The following SPESP1 variants were observed in gnomAD, a reference collection of about 807,000 sequenced individuals.
SPESP1 encodes sperm equatorial segment protein 1, also known as equatorial segment protein.
Under a neutral mutation model 3.1 loss-of-function variants are expected in SPESP1, and 1 was observed. The ratio of observed to expected loss-of-function variants is 0.33; its 90% CI spans 0.12 to 1.54. SPESP1 has a LOEUF of 1.54. Among genes scored for constraint, SPESP1 ranks in the 40% most tolerant of loss-of-function variants. The pLI, the probability that SPESP1 is intolerant of heterozygous loss-of-function variation, is 0.38. For missense variants in SPESP1, 398 were observed against 410.1 expected (o/e 0.97, Z 0.26); for synonymous variants, 138 against 150.7 (o/e 0.92, Z 0.62).
At chr15:68,936,825 T>A (rs1412381017) in intron 1 of SPESP1, among the ~76,000 whole-genome samples, 2 of 152,156 alleles carry the variant, frequency 1.3e-5, no homozygotes, top group Admixed American at 6.5e-5. Flanking sequence ...GATCTAAACT[T>A]ACATTAGGCT....
At chr15:68,938,521 C>A (rs939041168) in intron 1 of SPESP1, among the ~76,000 whole-genome samples, 1 of 151,674 alleles carries the variant, frequency 6.6e-6, no homozygotes, top group Non-Finnish European at 1.5e-5. Context: ...AAAATTTGGT[C>A]ATATTTAATT....
chr15:68,933,185 G>A (rs967921447), intron 1 of SPESP1, among the ~76,000 whole-genome samples: 13 of 152,146 alleles, frequency 8.5e-5, no homozygotes, highest in African/African-American at 2.4e-4. Flanking sequence ...CAAACATCAC[G>A]GGTGTATTAA....
At chr15:68,940,978 G>T (rs1895807492) in intron 1 of SPESP1, among the ~76,000 whole-genome samples, 1 of 151,860 alleles carries the variant, frequency 6.6e-6, no homozygotes, top group Non-Finnish European at 1.5e-5. Flanking sequence ...ATATGCAATT[G>T]GGTCTATTTC....
intron 1 of SPESP1, among the ~76,000 whole-genome samples, chr15:68,931,154 T>G (rs1467447140): frequency 6.6e-6 from 1 of 152,082 alleles, no homozygotes; most frequent in Non-Finnish European, 1.5e-5. Flanking sequence ...TTGTTACATA[T>G]GTATCCATGT....
At chr15:68,940,631 T>G (rs1368970697) in intron 1 of SPESP1, among the ~76,000 whole-genome samples, 1 of 152,170 alleles carries the variant, frequency 6.6e-6, no homozygotes, top group Non-Finnish European at 1.5e-5. Flanking sequence ...CATCCTTTAG[T>G]TTTTCACAGT....
rs1305778404 is a variant in SPESP1 at position 68,946,524 on chromosome 15, A to G, written c.990A>G (p.Val330=). The G allele has an allele frequency of 9.4e-6, 15 of 1,590,722 alleles. No individual in the cohort carries two copies. Among genetic ancestry groups the G allele is most frequent in the Non-Finnish European group, 1.0e-5 (12 of 1,173,660 alleles). ...AGATGAGAGAAAAAGCTGCTACAGT[A>G]TTCAATACATTAAAAAATATGTGTA... is the stretch of plus-strand genomic sequence containing the variant. ...PPEMREKAAT[V]FNTLKNMCRS... is the part of the protein sequence containing the mutation. Residue 330 remains valine (V), a synonymous_variant, in exon 2 of 2, where the codon GTA becomes GTG. Transcript: ENST00000310673.
chr15:68,935,238 CAT>C (rs1468756507), intron 1 of SPESP1, among the ~76,000 whole-genome samples: 1 of 152,126 alleles, frequency 6.6e-6, no homozygotes, highest in African/African-American at 2.4e-5. Flanking sequence ...AGAATTGTAA[CAT>C]AATTTAATAA....
At position 68,946,137 on chromosome 15, in the gene SPESP1, G is replaced by C. The variant is rs753824270; in HGVS notation, c.603G>C (p.Gln201His). The C allele has an allele frequency of 1.2e-6, 2 of 1,614,182 alleles. No individual in the cohort carries two copies. Among genetic ancestry groups the C allele is most frequent in the Non-Finnish European group, 1.7e-6 (2 of 1,180,028 alleles). The change falls in exon 2 of 2, where the codon CAG (glutamine) becomes CAC (histidine). Residue 201 changes from glutamine to histidine, a missense_variant. Coordinates refer to ENST00000310673, the MANE Select transcript of SPESP1 (RefSeq NM_145658.4). ...GISTESEDVP[Q>H]LSGETAIEKP... ...CTACAGAATCAGAAGATGTTCCTCA[G>C]CTCTCAGGTGAAACTGCGATAGAAA...
At position 68,946,411 on chromosome 15, in the gene SPESP1, A is replaced by G. The variant is rs768907049; in HGVS notation, c.877A>G (p.Ile293Val). 1 of 1,614,114 alleles carries G rather than the reference A, an allele frequency of 6.2e-7. No homozygotes were observed. The highest frequency in any genetic ancestry group is 2.2e-5 in the East Asian group (1 of 44,862). The change falls in exon 2 of 2, where the codon ATT becomes GTT. Residue 293 changes from isoleucine (I) to valine (V), a missense_variant. Physicochemically the swap from Ile to Val is conservative, Grantham distance 29. Transcript: ENST00000310673. The stretch of plus-strand genomic sequence containing the variant: ...GCCAGTAGGACGAACAAGTAATAAA[A>G]TTGATGACATCGAAACTGTTATTAA... ...LLPVGRTSNK[I>V]DDIETVINML...
chr15:68,930,743 C>G (rs748616375), intron 1 of SPESP1, 26 bp downstream of exon 1: 1 of 1,613,212 alleles, frequency 6.2e-7, no homozygotes, highest in Admixed American at 1.7e-5. Context: ...GAGGAGGCAG[C>G]GGACCGGGGA....
chr15:68,932,206 G>A (rs921914651), intron 1 of SPESP1, among the ~76,000 whole-genome samples: 1 of 152,078 alleles, frequency 6.6e-6, no homozygotes, highest in East Asian at 1.9e-4. Flanking sequence ...TTGCATTTTG[G>A]TAGTTGTAGA....
rs1895501514 is a variant in SPESP1, at chr15:68,930,560, A to G, written c.-94A>G. 7 of 1,536,506 alleles carry G rather than the reference A, an allele frequency of 4.6e-6. No homozygotes were observed. Among genetic ancestry groups the G allele is most frequent in the Admixed American group, 1.7e-5 (1 of 59,174 alleles). ...GTCCCAGGGCCTGAGGCAGGACGGT[A>G]CTCCGCTGACACCTTCCCTTTCGGC... On this transcript the variant is annotated 5_prime_UTR_variant, in exon 1 of 2. Coordinates refer to ENST00000310673, the MANE Select transcript of SPESP1 (RefSeq NM_145658.4).
intron 1 of SPESP1, among the ~76,000 whole-genome samples, chr15:68,940,386 C>T (rs551496007): frequency 1.8e-4 from 27 of 152,210 alleles, no homozygotes; most frequent in Middle Eastern, 3.4e-3. Flanking sequence ...AAGGACTTTA[C>T]AAAACACAAA....
intron 1 of SPESP1, among the ~76,000 whole-genome samples, chr15:68,942,139 T>G (rs1895839942): frequency 6.6e-6 from 1 of 152,034 alleles, no homozygotes; most frequent in Non-Finnish European, 1.5e-5. Context: ...TTTGTTTCAT[T>G]TTTTCTGTTA....
At chr15:68,932,557 A>G (rs1021758053) in intron 1 of SPESP1, among the ~76,000 whole-genome samples, 13 of 152,058 alleles carry the variant, frequency 8.5e-5, no homozygotes, top group African/African-American at 3.1e-4. Flanking sequence ...CCGCCTGGCT[A>G]ATTTTTGTAT....
At chr15:68,940,729 A>G (rs2140424701) in intron 1 of SPESP1, among the ~76,000 whole-genome samples, 1 of 147,652 alleles carries the variant, frequency 6.8e-6, no homozygotes, top group South Asian at 2.1e-4. Context: ...AGTTATATCT[A>G]GGGAGACCTA....
intron 1 of SPESP1, among the ~76,000 whole-genome samples, chr15:68,940,957 G>T (rs1437730722): frequency 6.6e-6 from 1 of 151,568 alleles, no homozygotes; most frequent in Non-Finnish European, 1.5e-5. Context: ...TTCCTTTTGA[G>T]CTATTTTTCC....
chr15:68,938,932 G>A (rs1336739360), intron 1 of SPESP1, among the ~76,000 whole-genome samples: 1 of 152,218 alleles, frequency 6.6e-6, no homozygotes, highest in Non-Finnish European at 1.5e-5. Flanking sequence ...ATCAGTGGAA[G>A]CTATTAGGAT....
intron 1 of SPESP1, among the ~76,000 whole-genome samples, chr15:68,932,121 T>A (rs1464397560): frequency 6.6e-6 from 1 of 152,204 alleles, no homozygotes; most frequent in Non-Finnish European, 1.5e-5. Flanking sequence ...TTCCTTGACA[T>A]AGAGGACCAG....
Sources: gnomAD v4.1 joint callset for allele counts (sites outside exome capture counted in the v4.1 genomes callset) on GRCh38, gnomAD v4.1.1 for gene constraint, MANE v1.5 for transcripts, NCBI Gene and HGNC (gene_info 2026-07-23, HGNC 2026-07-21) for gene names.